The following DLGAP1 variants were observed in gnomAD, a reference collection of about 807,000 sequenced individuals.
The protein encoded by DLGAP1 is disks large-associated protein 1.
Under a neutral mutation model 90.8 loss-of-function variants are expected in DLGAP1, and 11 were observed. That is an observed-to-expected ratio of 0.12 (90% CI 0.08 to 0.20). DLGAP1 has a LOEUF of 0.20. Ranked by LOEUF, DLGAP1 falls within the 10% of genes least tolerant of loss-of-function variation. The probability of loss-of-function intolerance (pLI) is 1.00; values close to 1 mark genes in which losing one functional copy is unlikely to be tolerated. For synonymous variants in DLGAP1, 558 were observed against 540.7 expected (o/e 1.03, Z -0.44); for missense variants, 1,050 against 1,333.8 (o/e 0.79, Z 3.31).
intron 1 of DLGAP1, among the ~76,000 whole-genome samples, chr18:4,253,062 C>A (rs117305104): frequency 5.9e-5 from 9 of 152,172 alleles, no homozygotes; most frequent in African/African-American, 2.2e-4. Flanking sequence ...CTGCAGTATG[C>A]GGTGTTACGT....
chr18:3,656,152 C>T (rs1222364167), intron 7 of DLGAP1: 22 of 1,529,430 alleles, frequency 1.4e-5, no homozygotes, highest in Non-Finnish European at 1.8e-5. Flanking sequence ...TATAATGGAC[C>T]CAAATCGCCT....
At chr18:4,034,904 CA>C (rs1417376195) in intron 2 of DLGAP1, among the ~76,000 whole-genome samples, 2 of 146,518 alleles carry the variant, frequency 1.4e-5, no homozygotes, top group Non-Finnish European at 3.1e-5. Flanking sequence ...TAATTCTTAC[CA>C]CCATTTGAAA....
At chr18:3,912,164 T>C (rs73940287) in intron 3 of DLGAP1, among the ~76,000 whole-genome samples, 4,340 of 152,336 alleles carry the variant, frequency 0.028, 202 homozygotes, top group African/African-American at 0.096. Context: ...CTGTTCTTTA[T>C]GGATATCTAA....
chr18:3,872,928 T>C (rs903209155), intron 4 of DLGAP1, among the ~76,000 whole-genome samples: 1 of 152,192 alleles, frequency 6.6e-6, no homozygotes, highest in Non-Finnish European at 1.5e-5. Flanking sequence ...ATTAGTAGAT[T>C]GGAATTCTGT....
chr18:4,415,459 AG>A (rs142201641), intron 1 of DLGAP1, among the ~76,000 whole-genome samples: 2,163 of 152,320 alleles, frequency 0.014, 53 homozygotes, highest in African/African-American at 0.047. Context: ...TAAATCGGTA[AG>A]ACTTGCATGC....
intron 7 of DLGAP1, among the ~76,000 whole-genome samples, chr18:3,715,105 C>G (rs541864061): frequency 4.6e-4 from 70 of 152,334 alleles, no homozygotes; most frequent in African/African-American, 1.7e-3. Flanking sequence ...AGAAGCTCAA[C>G]TGCTTATTTC....
At chr18:3,728,821 GC>G (rs765299960) in intron 7 of DLGAP1, among the ~76,000 whole-genome samples, 1 of 152,148 alleles carries the variant, frequency 6.6e-6, no homozygotes, top group Non-Finnish European at 1.5e-5. Flanking sequence ...GTAGGAGCTG[GC>G]GGGGATCGGC....
intron 1 of DLGAP1, among the ~76,000 whole-genome samples, chr18:4,449,418 TAAC>T (rs2083760366): frequency 6.6e-6 from 1 of 152,160 alleles, no homozygotes; most frequent in East Asian, 1.9e-4. Context: ...TACCAGGTAT[TAAC>T]AGAGTAAACT....
intron 4 of DLGAP1, among the ~76,000 whole-genome samples, chr18:3,828,639 C>CAAAAAAAAA (rs71368713): frequency 4.7e-5 from 1 of 21,352 alleles, no homozygotes; most frequent in Non-Finnish European, 8.2e-5. Context: ...GACTCTATCT[C>CAAAAAAAAA]AAAAAAAAAA....
At chr18:3,882,331 G>A (rs986237295) in intron 3 of DLGAP1, among the ~76,000 whole-genome samples, 3 of 151,682 alleles carry the variant, frequency 2.0e-5, no homozygotes, top group African/African-American at 7.3e-5. Context: ...GAACCCAGGA[G>A]TTTGAGACAA....
chr18:3,602,313 T>A (rs1285574023), intron 7 of DLGAP1, among the ~76,000 whole-genome samples: 2 of 152,172 alleles, frequency 1.3e-5, no homozygotes, highest in South Asian at 2.1e-4. Flanking sequence ...AATCTTGTTT[T>A]GGCCGGGCGC....
intron 2 of DLGAP1, among the ~76,000 whole-genome samples, chr18:4,091,180 C>T (rs2075768707): frequency 6.6e-6 from 1 of 152,280 alleles, no homozygotes; most frequent in Admixed American, 6.5e-5. Flanking sequence ...GTTCAATAAC[C>T]TACAGTGGCT....
intron 1 of DLGAP1, among the ~76,000 whole-genome samples, chr18:4,289,076 G>A (rs149031983): frequency 1.3e-5 from 2 of 152,180 alleles, no homozygotes; most frequent in Non-Finnish European, 2.9e-5. Flanking sequence ...CAGGGCAGGA[G>A]TGTTGTTGGA....
In DLGAP1 at chr18:3,581,932, C is replaced by T. The variant is rs750396046; in HGVS notation, c.1908G>A (p.Thr636=). The T allele has an allele frequency of 9.9e-6, 16 of 1,614,034 alleles. No individual in the cohort carries two copies. The highest frequency in any genetic ancestry group is 2.7e-5 in the African/African-American group (2 of 74,916). The change falls in exon 8 of 13, where the codon ACG becomes ACA. Residue 636 remains threonine (T), a synonymous_variant. Transcript: ENST00000315677. ...TTTTTIATVT[T]EDRKKDHFKK... ...TAAAGTGGTCCTTCTTCCTGTCCTC[C>T]GTGGTGACGGTGGCTATGGTAGTCG...
intron 2 of DLGAP1, among the ~76,000 whole-genome samples, chr18:4,042,931 C>T (rs774977899): frequency 2.0e-5 from 3 of 152,110 alleles, no homozygotes; most frequent in Non-Finnish European, 2.9e-5. Context: ...TAGTTAACAG[C>T]AGAACATAGG....
chr18:3,593,320 A>T (rs955927677), intron 7 of DLGAP1, among the ~76,000 whole-genome samples: 1 of 152,236 alleles, frequency 6.6e-6, no homozygotes, highest in African/African-American at 2.4e-5. Context: ...GAGAAATGCC[A>T]CAAAACAAAA....
chr18:3,813,955 T>A, intron 5 of DLGAP1, 104 bp downstream of exon 5: 1 of 1,111,020 alleles, frequency 9.0e-7, no homozygotes, highest in East Asian at 2.4e-5. Flanking sequence ...CTGCTCCACC[T>A]GTAGGATGTT....
intron 3 of DLGAP1, among the ~76,000 whole-genome samples, chr18:3,952,283 G>C (rs568584266): frequency 6.6e-6 from 1 of 152,262 alleles, no homozygotes; most frequent in South Asian, 2.1e-4. Context: ...AAAATATCAA[G>C]GAAGTTCGCT....
At chr18:4,443,808 TTCTG>T (rs1415471776) in intron 1 of DLGAP1, among the ~76,000 whole-genome samples, 2 of 152,232 alleles carry the variant, frequency 1.3e-5, no homozygotes, top group Non-Finnish European at 2.9e-5. Context: ...AGAAAAAGCT[TTCTG>T]TCTTTTATTC....
Sources: gnomAD v4.1 joint callset for allele counts (sites outside exome capture counted in the v4.1 genomes callset) on GRCh38, gnomAD v4.1.1 for gene constraint, MANE v1.5 for transcripts, NCBI Gene and HGNC (gene_info 2026-07-23, HGNC 2026-07-21) for gene names.